Variants in MAPK4 observed in about 807,000 individuals in gnomAD.
MAPK4 encodes the protein mitogen-activated protein kinase 4, also known as Erk3-related.
A neutral mutation model predicts 47.7 loss-of-function variants in MAPK4; 22 were observed. The ratio of observed to expected loss-of-function variants is 0.46; its 90% CI spans 0.33 to 0.66. The LOEUF (loss-of-function observed/expected upper bound fraction) is 0.66, where lower values mean the gene tolerates loss of function less well. MAPK4 is among the 30% of genes least tolerant of loss of function. The pLI, the probability that MAPK4 is intolerant of heterozygous loss-of-function variation, is 0.02. For synonymous variants in MAPK4, 390 were observed against 365.7 expected, an observed-to-expected ratio of 1.07 and a Z score of -0.76; for missense variants, 736 against 831.7, an observed-to-expected ratio of 0.88 and a Z score of 1.42.
intron 2 of MAPK4, among the ~76,000 whole-genome samples, chr18:50,673,443 G>A (rs564372438): frequency 6.6e-6 from 1 of 152,368 alleles, no homozygotes; most frequent in South Asian, 2.1e-4. Context: ...GCCCGCTAGG[G>A]ACGCTGGAGT....
chr18:50,726,007 G>C lies in MAPK4; in HGVS notation c.899G>C (p.Arg300Pro). 6.2e-7 allele frequency: 1 copy of C among 1,614,060 alleles called. No individual in the cohort carries two copies. The highest frequency in any genetic ancestry group is 8.5e-7 in the Non-Finnish European group (1 of 1,180,026). ...EKILTFNPMD[R>P]LTAEMGLQHP... is the part of the protein sequence containing the mutation. ...ATCCTGACCTTTAACCCCATGGATC[G>C]CCTAACAGCTGAGATGGGGCTGCAA... The change falls in exon 5 of 6, where the codon CGC (arginine) becomes CCC (proline). Residue 300 changes from arginine to proline, a missense_variant. By Grantham distance (103) the Arg-to-Pro change is moderately radical. This residue lies in a region of MAPK4 where 32 missense variants were observed against 57.7 expected (regional missense o/e 0.55). Coordinates refer to ENST00000400384, the MANE Select transcript of MAPK4 (RefSeq NM_002747.4).
chr18:50,644,633 G>T (rs1280289090), intron 1 of MAPK4, among the ~76,000 whole-genome samples: 4 of 152,094 alleles, frequency 2.6e-5, no homozygotes, highest in African/African-American at 9.7e-5. Context: ...CCAAAGTGAT[G>T]CCTAACATTT....
At chr18:50,593,969 C>G (rs1283538438) in intron 1 of MAPK4, among the ~76,000 whole-genome samples, 1 of 152,120 alleles carries the variant, frequency 6.6e-6, no homozygotes, top group Non-Finnish European at 1.5e-5. Flanking sequence ...CAGTCTGAGT[C>G]CATTCAAAAG....
intron 1 of MAPK4, among the ~76,000 whole-genome samples, chr18:50,619,921 A>G (rs772843407): frequency 6.6e-6 from 1 of 152,218 alleles, no homozygotes; most frequent in Non-Finnish European, 1.5e-5. Flanking sequence ...GGCTGGCGTA[A>G]GTAGAGATGC....
At chr18:50,639,282 C>T (rs956407445) in intron 1 of MAPK4, among the ~76,000 whole-genome samples, 1 of 152,166 alleles carries the variant, frequency 6.6e-6, no homozygotes, top group South Asian at 2.1e-4. Flanking sequence ...TAAGCCTGAG[C>T]CAAATTAGTT....
chr18:50,575,860 A>G (rs958860636), intron 1 of MAPK4, among the ~76,000 whole-genome samples: 3 of 152,156 alleles, frequency 2.0e-5, no homozygotes, highest in Non-Finnish European at 4.4e-5. Context: ...TTTCAAAAGA[A>G]GACATACATG....
chr18:50,632,509 C>A (rs987298801), intron 1 of MAPK4, among the ~76,000 whole-genome samples: 1 of 151,660 alleles, frequency 6.6e-6, no homozygotes, highest in African/African-American at 2.4e-5. Context: ...CTCTTGCATT[C>A]TTTCATGTTC....
rs1316362748 is a variant in MAPK4 at position 50,729,305 on chromosome 18, C to G, written c.1215C>G (p.Ser405=). The change falls in exon 6 of 6, where the codon TCC becomes TCG. Residue 405 remains serine, a synonymous_variant. Coordinates refer to ENST00000400384, the MANE Select transcript of MAPK4 (RefSeq NM_002747.4). Reference sequence around the variant, plus strand: ...CGCGCAAGGACTCGCACAGCAGCTCCGAGCGCTTCCTAGAGCAGTCGCACT... The same window carrying G: ...CGCGCAAGGACTCGCACAGCAGCTCGGAGCGCTTCCTAGAGCAGTCGCACT... The part of the protein sequence containing the change: ...VDPRKDSHSS[S]ERFLEQSHSS... The G allele has an allele frequency of 1.2e-6, 2 of 1,606,438 alleles. No individual in the cohort carries two copies. The highest frequency in any genetic ancestry group is 3.4e-5 in the Admixed American group (2 of 59,470).
At chr18:50,648,678 A>G (rs12958523) in intron 1 of MAPK4, among the ~76,000 whole-genome samples, 53,956 of 152,070 alleles carry the variant, frequency 0.35, 10,597 homozygotes, top group East Asian at 0.43. Context: ...AGGTGGCATG[A>G]TGTAGCATCT....
intron 5 of MAPK4, among the ~76,000 whole-genome samples, chr18:50,727,421 G>A (rs1040959134): frequency 6.6e-6 from 1 of 152,166 alleles, no homozygotes; most frequent in Non-Finnish European, 1.5e-5. Context: ...GGAGGGCCAG[G>A]GCGACGCTGC....
chr18:50,639,322 C>T (rs1047701828), intron 1 of MAPK4, among the ~76,000 whole-genome samples: 4 of 152,186 alleles, frequency 2.6e-5, no homozygotes, highest in African/African-American at 9.7e-5. Flanking sequence ...TGTCATCTGC[C>T]TTTTCTCTAT....
intron 1 of MAPK4, among the ~76,000 whole-genome samples, chr18:50,588,535 G>T (rs1278567477): frequency 7.1e-6 from 1 of 141,112 alleles, no homozygotes; most frequent in Admixed American, 7.3e-5. Context: ...TCACAGGGAG[G>T]TGAAATAGAC....
chr18:50,712,559 G>T (rs1463340657), intron 2 of MAPK4, among the ~76,000 whole-genome samples: 2 of 115,862 alleles, frequency 1.7e-5, no homozygotes, highest in Non-Finnish European at 3.7e-5. Flanking sequence ...AAAAAAAAAA[G>T]GAAGAGCTGG....
chr18:50,615,321 T>G (rs1247913248), intron 1 of MAPK4, among the ~76,000 whole-genome samples: 1 of 152,216 alleles, frequency 6.6e-6, no homozygotes, highest in African/African-American at 2.4e-5. Flanking sequence ...AGAAATTTAC[T>G]TCCTTCTCAT....
intron 1 of MAPK4, among the ~76,000 whole-genome samples, chr18:50,601,599 A>G (rs1003118165): frequency 6.6e-6 from 1 of 152,044 alleles, no homozygotes; most frequent in Admixed American, 6.6e-5. Flanking sequence ...TCCCAGATGC[A>G]TGGTCAGCTC....
intron 1 of MAPK4, chr18:50,560,672 TCCTCC>T (rs989111704): frequency 4.6e-5 from 7 of 152,674 alleles, no homozygotes; most frequent in Non-Finnish European, 1.0e-4. Context: ...GTCCCGATTA[TCCTCC>T]CCTCCAGCCT....
chr18:50,648,767 G>A (rs2043016600), intron 1 of MAPK4, among the ~76,000 whole-genome samples: 1 of 152,126 alleles, frequency 6.6e-6, no homozygotes, highest in African/African-American at 2.4e-5. Context: ...CCACGATAAG[G>A]CTTTACCTCC....
intron 2 of MAPK4, among the ~76,000 whole-genome samples, chr18:50,710,651 G>T (rs910138419): frequency 1.3e-5 from 2 of 151,786 alleles, no homozygotes; most frequent in Admixed American, 1.3e-4. Flanking sequence ...GTGGTGGCAG[G>T]CACCTGCAGT....
chr18:50,641,421 A>G (rs1377168827), intron 1 of MAPK4, among the ~76,000 whole-genome samples: 2 of 152,000 alleles, frequency 1.3e-5, no homozygotes, highest in Non-Finnish European at 2.9e-5. Context: ...AAAAATCTAT[A>G]TCTTTTTTAA....
Sources: gnomAD v4.1 joint callset for allele counts (sites outside exome capture counted in the v4.1 genomes callset) on GRCh38, gnomAD v4.1.1 for gene constraint, gnomAD v4.1.1 regional missense constraint, MANE v1.5 for transcripts, NCBI Gene and HGNC (gene_info 2026-07-23, HGNC 2026-07-21) for gene names.